ENPP1: variants seen among roughly 807,000 people sequenced by gnomAD.
ENPP1 encodes ectonucleotide pyrophosphatase/phosphodiesterase 1, also known as ectonucleotide pyrophosphatase/phosphodiesterase family member 1.
A neutral mutation model predicts 122.8 loss-of-function variants in ENPP1; 73 were observed. That is an observed-to-expected ratio of 0.59 (90% CI 0.49 to 0.72). The LOEUF is 0.72. ENPP1 is among the 30% of genes least tolerant of loss of function. The pLI is 0.00. For synonymous variants in ENPP1, 367 were observed against 391.6 expected, an observed-to-expected ratio of 0.94 and a Z score of 0.74; for missense variants, 978 against 1,128.1, an observed-to-expected ratio of 0.87 and a Z score of 1.91.
chr6:131,884,132 A>G (rs538299623), intron 22 of ENPP1, among the ~76,000 whole-genome samples: 15 of 152,338 alleles, frequency 9.8e-5, no homozygotes, highest in Admixed American at 4.6e-4. Context: ...TAGATTTTAC[A>G]TCATCATTAA....
At chr6:131,871,344 T>G (rs928289842) in intron 13 of ENPP1, among the ~76,000 whole-genome samples, 1 of 152,236 alleles carries the variant, frequency 6.6e-6, no homozygotes, top group African/African-American at 2.4e-5. Context: ...GTACCCTATG[T>G]AAATCCATGG....
chr6:131,872,398 G>T (rs1782173802), intron 14 of ENPP1, among the ~76,000 whole-genome samples: 1 of 152,090 alleles, frequency 6.6e-6, no homozygotes, highest in Non-Finnish European at 1.5e-5. Context: ...CCCTGTAGCT[G>T]TACCACCATA....
intron 1 of ENPP1, among the ~76,000 whole-genome samples, chr6:131,813,790 T>G (rs1045746976): frequency 6.6e-6 from 1 of 152,122 alleles, no homozygotes; most frequent in African/African-American, 2.4e-5. Context: ...GAGAGCTCAG[T>G]TTTTGAGGTT....
chr6:131,856,251 A>AT (rs1562521585), intron 6 of ENPP1, among the ~76,000 whole-genome samples: 1 of 151,958 alleles, frequency 6.6e-6, no homozygotes, highest in East Asian at 1.9e-4. Flanking sequence ...GATGATGAGC[A>AT]TTTTTTCATG....
chr6:131,823,508 G>A (rs951751376), intron 1 of ENPP1, among the ~76,000 whole-genome samples: 3 of 151,898 alleles, frequency 2.0e-5, no homozygotes, highest in Admixed American at 6.6e-5. Flanking sequence ...TCTGAAGCAC[G>A]CCTTCTATGA....
At chr6:131,812,945 T>G (rs1323956832) in intron 1 of ENPP1, among the ~76,000 whole-genome samples, 1 of 152,090 alleles carries the variant, frequency 6.6e-6, no homozygotes, top group Non-Finnish European at 1.5e-5. Context: ...GTTCAAGCGA[T>G]TCTTCTGTCT....
At chr6:131,864,810 C>T in intron 10 of ENPP1, 56 bp from the exon 11 acceptor site, 1 of 1,141,324 alleles carries the variant, frequency 8.8e-7, no homozygotes, top group South Asian at 1.2e-5. Context: ...TTATTTTTTC[C>T]ATTCTGTTTT....
chr6:131,890,493 C>T lies in ENPP1; in HGVS notation c.2760C>T (p.Thr920=), dbSNP rs1782454623. The T allele has an allele frequency of 6.2e-7, 1 of 1,613,968 alleles. No homozygotes were observed. Among genetic ancestry groups the T allele is most frequent in the Non-Finnish European group, 8.5e-7 (1 of 1,179,814 alleles). ...TAAAGTTGAAAACACATTTGCCAAC[C>T]TTTAGCCAAGAAGACTGATATGTTT... ...DILKLKTHLP[T]FSQED is the part of the protein sequence containing the mutation. The change falls in exon 25 of 25, where the codon ACC becomes ACT. Residue 920 remains threonine (T), a synonymous_variant. Transcript: ENST00000647893.
At chr6:131,856,034 C>T (rs1023367527) in intron 6 of ENPP1, among the ~76,000 whole-genome samples, 6 of 151,804 alleles carry the variant, frequency 4.0e-5, no homozygotes, top group East Asian at 1.9e-4. Context: ...TTCATATGTA[C>T]GTCATTATGC....
chr6:131,883,425 C>T (rs1050951295), intron 21 of ENPP1, among the ~76,000 whole-genome samples: 5 of 152,200 alleles, frequency 3.3e-5, no homozygotes, highest in Middle Eastern at 6.8e-3. Flanking sequence ...AGGGCAATAA[C>T]GTTTGAATAT....
intron 1 of ENPP1, among the ~76,000 whole-genome samples, chr6:131,842,219 A>G (rs545954427): frequency 2.0e-5 from 3 of 152,348 alleles, no homozygotes; most frequent in Admixed American, 6.5e-5. Context: ...TAAAACTCTT[A>G]GAAAAGTGCC....
At chr6:131,837,782 G>C (rs1781695350) in intron 1 of ENPP1, among the ~76,000 whole-genome samples, 1 of 152,102 alleles carries the variant, frequency 6.6e-6, no homozygotes, top group African/African-American at 2.4e-5. Flanking sequence ...TCTGCTCTAA[G>C]ACAATTATCA....
intron 1 of ENPP1, chr6:131,826,539 AT>A: frequency 8.1e-7 from 1 of 1,240,300 alleles, no homozygotes; most frequent in Non-Finnish European, 1.2e-6. Flanking sequence ...TTTTAAGGTT[AT>A]TTTCCTTTAG....
At position 131,849,644 on chromosome 6, in the gene ENPP1, C is replaced by T. The variant is rs79342398; in HGVS notation, c.314-346C>T. Among the ~76,000 whole-genome samples the T allele has an allele frequency of 0.035, 5,371 of 152,242 alleles. 181 individuals carry two copies. Among genetic ancestry groups the T allele is most frequent in the African/African-American group, 0.085 (3,551 of 41,552 alleles). The stretch of plus-strand genomic sequence containing the variant: ...TGCTTAAGCCAACTTTTTCATAGCA[C>T]AAAGTATTCAGAACAAGCCTTTATT... On this transcript the variant is annotated intron_variant, in intron 2 of 24. Transcript: ENST00000647893.
Position 131,886,635 on chromosome 6 carries a change from G to A in ENPP1, c.2518G>A (p.Asp840Asn). ...CTTTATTGTGCTAACAAGCTGTAAAGATACATCTCAGACGCCTTTGCACTG... is the reference window on the plus strand; with the variant it reads ...CTTTATTGTGCTAACAAGCTGTAAAAATACATCTCAGACGCCTTTGCACTG... ...HFFIVLTSCK[D>N]TSQTPLHCEN... is the part of the protein sequence containing the mutation. The change falls in exon 24 of 25, where the codon GAT (aspartate) becomes AAT (asparagine). Residue 840 changes from aspartate (D) to asparagine (N), a missense_variant. Around this residue, in one of 3 missense-constraint regions of ENPP1, gnomAD observed 644 missense variants for 781.5 expected, o/e 0.82. Transcript: ENST00000647893. 2 of 1,614,008 alleles carry A rather than the reference G, an allele frequency of 1.2e-6. No homozygotes were observed. The highest frequency in any genetic ancestry group is 1.7e-6 in the Non-Finnish European group (2 of 1,179,884).
chr6:131,873,089 C>A (rs373986324), intron 15 of ENPP1, 39 bp downstream of exon 15: 1 of 1,610,786 alleles, frequency 6.2e-7, no homozygotes, highest in East Asian at 2.2e-5. Context: ...TTAGTCTGAT[C>A]GGTTAGTGAT....
At chr6:131,884,279 AT>A (rs752714462) in intron 22 of ENPP1, among the ~76,000 whole-genome samples, 2 of 152,234 alleles carry the variant, frequency 1.3e-5, no homozygotes, top group East Asian at 3.8e-4. Context: ...CAAAGTTAAT[AT>A]TCAGATATTA....
chr6:131,838,788 A>G (rs1025430407), intron 1 of ENPP1, among the ~76,000 whole-genome samples: 9 of 152,142 alleles, frequency 5.9e-5, no homozygotes, highest in African/African-American at 2.2e-4. Context: ...AAAGAACACA[A>G]ATAGAGATGC....
intron 1 of ENPP1, among the ~76,000 whole-genome samples, chr6:131,838,526 TTAGA>T (rs1781703470): frequency 6.6e-6 from 1 of 151,380 alleles, no homozygotes; most frequent in African/African-American, 2.4e-5. Flanking sequence ...GGTTTACAAG[TTAGA>T]TAGTAATATT....
Sources: allele counts gnomAD v4.1 joint callset (sites outside exome capture counted in the v4.1 genomes callset), GRCh38; gene constraint gnomAD v4.1.1; regional missense constraint gnomAD v4.1.1; transcripts MANE v1.5; gene names NCBI Gene and HGNC (gene_info 2026-07-23, HGNC 2026-07-21).